Variants in SYNGR1 observed in about 807,000 individuals in gnomAD.
The protein encoded by SYNGR1 is synaptogyrin-1.
In SYNGR1, 14 loss-of-function variants were observed where a neutral mutation model predicts 26.1. The observed-to-expected ratio is 0.54, with a 90% CI of 0.35 to 0.84. The LOEUF is 0.84. SYNGR1 is among the 40% of genes least tolerant of loss of function. The pLI is 0.01. For synonymous variants in SYNGR1, 141 were observed against 150.1 expected (o/e 0.94, Z 0.44); for missense variants, 319 against 332.9 (o/e 0.96, Z 0.33).
rs1355598582 is a variant in SYNGR1 at position 39,377,055 on chromosome 22, G to T, written c.483+858G>T. On this transcript the variant is annotated intron_variant, in intron 3 of 3. Coordinates refer to ENST00000328933, the MANE Select transcript of SYNGR1 (RefSeq NM_004711.5). ...TCACCTCCATAGCCCCATCCCAAGAGCCCTCCCCATAACCCACAGCTGCCT... is the reference window on the plus strand; with the variant it reads ...TCACCTCCATAGCCCCATCCCAAGATCCCTCCCCATAACCCACAGCTGCCT... The T allele has an allele frequency of 1.9e-6, 3 of 1,550,778 alleles. No individual in the cohort carries two copies. The Admixed American group carries it at 5.9e-5, about 30-fold the overall frequency.
Position 39,361,976 on chromosome 22 carries a change from A to C in SYNGR1, c.99+11867A>C, listed in dbSNP as rs1238684680. On this transcript the variant is annotated intron_variant, in intron 1 of 3. Transcript: ENST00000328933. ...TGAGAGTAAGGCCCTGGGCCAGTCA[A>C]GTGAGCCCTCTCTGGGTCTTTGTTT... Among the ~76,000 whole-genome samples the C allele has an allele frequency of 3.3e-5, 5 of 150,040 alleles. No homozygotes were observed. In the East Asian group the frequency reaches 9.8e-4, roughly 29 times the overall value.
intron 1 of SYNGR1, among the ~76,000 whole-genome samples, chr22:39,362,192 C>A (rs1924508154): frequency 6.6e-6 from 1 of 152,054 alleles, no homozygotes; most frequent in African/African-American, 2.4e-5. Flanking sequence ...CTTGAGGTTA[C>A]TCAGCCAGAG....
intron 3 of SYNGR1, chr22:39,379,830 C>G (rs1925440686): frequency 6.6e-6 from 1 of 152,220 alleles, no homozygotes; most frequent in East Asian, 1.9e-4. Flanking sequence ...GGGTAGGACC[C>G]CATGTTTAGG....
At chr22:39,365,507 C>G (rs576553841) in intron 1 of SYNGR1, among the ~76,000 whole-genome samples, 1 of 152,296 alleles carries the variant, frequency 6.6e-6, no homozygotes, top group African/African-American at 2.4e-5. Context: ...TGCTCCTCCT[C>G]CCATGTACTG....
chr22:39,368,392 C>T (rs956753125), intron 1 of SYNGR1, among the ~76,000 whole-genome samples: 3 of 152,214 alleles, frequency 2.0e-5, no homozygotes, highest in Admixed American at 2.0e-4. Context: ...CCCACACAAT[C>T]GGCTCCCACA....
intron 2 of SYNGR1, 25 bp downstream of exon 2, chr22:39,374,578 C>G (rs769578394): frequency 1.9e-6 from 3 of 1,609,114 alleles, no homozygotes; most frequent in Non-Finnish European, 2.5e-6. Context: ...GCAGGTACCC[C>G]CTGCACAGAG....
rs1319820070 is a variant in SYNGR1, at chr22:39,385,520, C to T, written c.*3606C>T. The T allele has an allele frequency of 2.0e-5, 3 of 152,586 alleles. No homozygotes were observed. The East Asian group carries it at 5.6e-4, about 29-fold the overall frequency. The allele number at this position is 152,586 out of a possible 1,614,324, so 9.5% of individuals were successfully genotyped here. ...TGACATCCATCCATCTGTGGTGAAC[C>T]AAGTGAAGGTGGTGACTTCTGGTGA... is the stretch of plus-strand genomic sequence containing the variant. On this transcript the variant is annotated 3_prime_UTR_variant, in exon 4 of 4. Transcript: ENST00000328933.
At position 39,350,082 on chromosome 22, in the gene SYNGR1, G is replaced by A. The variant is rs755468022; in HGVS notation, c.72G>A (p.Pro24=). ...AFDPYTLVRQ[P]HTILRVVSWL... ...ACCCCTACACCCTGGTCCGGCAGCC[G>A]CACACCATCCTGCGCGTCGTGTCTT... is the stretch of plus-strand genomic sequence containing the variant. The change falls in exon 1 of 4, where the codon CCG becomes CCA. Residue 24 remains proline (P), a synonymous_variant. Coordinates refer to ENST00000328933, the MANE Select transcript of SYNGR1 (RefSeq NM_004711.5). This position sits in a 1 kb window ranked among gnomAD's most constrained non-coding sequence, Gnocchi z 4.3. 64 of 1,466,708 alleles carry A rather than the reference G, an allele frequency of 4.4e-5. No individual in the cohort carries two copies. The South Asian group carries it at 7.2e-4, about 16-fold the overall frequency. The allele number at this position is 1,466,708 out of a possible 1,614,324, so 90.9% of individuals were successfully genotyped here. A position where few individuals can be genotyped will look rare whatever the true frequency, so the allele number is the denominator to read the frequency against.
At chr22:39,370,000 G>T (rs1372668528) in intron 1 of SYNGR1, among the ~76,000 whole-genome samples, 2 of 151,940 alleles carry the variant, frequency 1.3e-5, no homozygotes, top group Non-Finnish European at 2.9e-5. Context: ...TTTATAATTT[G>T]TAATTTATTT....
intron 1 of SYNGR1, among the ~76,000 whole-genome samples, chr22:39,367,886 A>T (rs1355060454): frequency 6.6e-6 from 1 of 151,210 alleles, no homozygotes; most frequent in African/African-American, 2.4e-5. Context: ...GTCCCGCTGC[A>T]TGTCCCATGT....
chr22:39,377,428 T>TA, intron 3 of SYNGR1: 9 of 985,342 alleles, frequency 9.1e-6, no homozygotes, highest in Non-Finnish European at 1.1e-5. Context: ...CCACCCAGCC[T>TA]ACAGGGAGGA....
In SYNGR1 at chr22:39,377,856, C is replaced by T. The variant is rs149932317; in HGVS notation, c.483+1659C>T. 2.4e-3 allele frequency: 3,661 copies of T among 1,500,212 alleles called. 74 individuals are homozygous for T. In the African/African-American group the frequency reaches 0.043, roughly 18 times the overall value. The allele number at this position is 1,500,212 out of a possible 1,614,324, so 92.9% of individuals were successfully genotyped here. On this transcript the variant is annotated intron_variant, in intron 3 of 3. Transcript: ENST00000328933. ...TCCACTGACTCATTCATTCCTTCAC[C>T]GCCTCCTTCATTGATTCTTCATGCG...
chr22:39,360,782 G>A (rs183301975), intron 1 of SYNGR1, among the ~76,000 whole-genome samples: 76 of 152,324 alleles, frequency 5.0e-4, no homozygotes, highest in African/African-American at 1.7e-3. Flanking sequence ...TTGAGTCAGC[G>A]TTGAGAGGGC....
At chr22:39,372,261 A>G (rs765329429) in intron 1 of SYNGR1, among the ~76,000 whole-genome samples, 8 of 149,498 alleles carry the variant, frequency 5.4e-5, no homozygotes, top group Non-Finnish European at 8.9e-5. Flanking sequence ...CCTCCAAAGT[A>G]GCTGGGACCA....
chr22:39,384,670 C>A lies in SYNGR1; in HGVS notation c.*2756C>A, dbSNP rs910684546. The stretch of plus-strand genomic sequence containing the variant: ...TATCCCTTTTCCTCCCAGCTGCCCT[C>A]CCCTACTTCTCCCTTGCTCCCAAAG... On this transcript the variant is annotated 3_prime_UTR_variant, in exon 4 of 4. Transcript: ENST00000328933. 2.5e-6 allele frequency: 1 copy of A among 399,168 alleles called. No homozygotes were observed. The allele number at this position is 399,168 out of a possible 1,614,324, so 24.7% of individuals were successfully genotyped here.
In SYNGR1 at chr22:39,350,788, AC is replaced by A. The variant is rs1285748246; in HGVS notation, c.99+680del. ...CATGCCTCAGTTTCCCAATTTATAGACAAGGTGGGCGGAGCCTTCTTGAGGC... is the reference window on the plus strand; with the variant it reads ...CATGCCTCAGTTTCCCAATTTATAGAAAGGTGGGCGGAGCCTTCTTGAGGC... On this transcript the variant is annotated intron_variant, in intron 1 of 3. Coordinates refer to ENST00000328933, the MANE Select transcript of SYNGR1 (RefSeq NM_004711.5). The surrounding 1 kb of genome is among the most constrained non-coding windows in gnomAD (Gnocchi z 4.3). Among the ~76,000 whole-genome samples the A allele has an allele frequency of 1.3e-5, 2 of 152,204 alleles. No homozygotes were observed. The highest frequency in any genetic ancestry group is 1.3e-4 in the Admixed American group (2 of 15,288).
At chr22:39,351,113 G>C (rs1431001590) in intron 1 of SYNGR1, among the ~76,000 whole-genome samples, 1 of 152,150 alleles carries the variant, frequency 6.6e-6, no homozygotes, top group Non-Finnish European at 1.5e-5. Context: ...GGGTTTCTGG[G>C]GCTCCCTGGG....
At position 39,375,460 on chromosome 22, in the gene SYNGR1, C is replaced by T. The variant is rs987319083; in HGVS notation, c.338-592C>T. 3.3e-5 allele frequency: 6 copies of T among 184,564 alleles called. No individual in the cohort carries two copies. The East Asian group carries it at 4.3e-4, about 13-fold the overall frequency. The allele number at this position is 184,564 out of a possible 1,614,324, so 11.4% of individuals were successfully genotyped here. On this transcript the variant is annotated intron_variant, in intron 2 of 3. Transcript: ENST00000328933. ...GTGGCTATGAGGCTCCCACTGCTGA[C>T]GCCCCCAGGCTCGGCTCTCAGTGGG...
intron 1 of SYNGR1, among the ~76,000 whole-genome samples, chr22:39,371,157 A>G (rs111322869): frequency 1.7e-4 from 26 of 152,312 alleles, no homozygotes; most frequent in African/African-American, 6.3e-4. Context: ...ACCCAGGAAG[A>G]AAATATGCTC....
Sources: allele counts gnomAD v4.1 joint callset (sites outside exome capture counted in the v4.1 genomes callset), GRCh38; gene constraint gnomAD v4.1.1; non-coding constraint Gnocchi (gnomAD v3.1); transcripts MANE v1.5; gene names NCBI Gene and HGNC (gene_info 2026-07-23, HGNC 2026-07-21).